Variants in MEGF11 observed in about 807,000 individuals in gnomAD.
MEGF11 encodes the protein multiple epidermal growth factor-like domains protein 11.
Under a neutral mutation model 146.6 loss-of-function variants are expected in MEGF11, and 126 were observed. The observed-to-expected ratio is 0.86, with a 90% CI of 0.74 to 1.00. The LOEUF is 1.00. MEGF11 is among the 50% of genes least tolerant of loss of function. The probability of loss-of-function intolerance (pLI) is 0.00; values close to 1 mark genes in which losing one functional copy is unlikely to be tolerated. For synonymous variants in MEGF11, 532 were observed against 583.4 expected (o/e 0.91, Z 1.27); for missense variants, 1,509 against 1,521.2 (o/e 0.99, Z 0.13).
At chr15:66,053,982 C>G (rs376445808) in intron 5 of MEGF11, among the ~76,000 whole-genome samples, 1 of 152,022 alleles carries the variant, frequency 6.6e-6, no homozygotes, top group East Asian at 1.9e-4. Context: ...CTCAGCCTCC[C>G]AAAGTGCTGG....
chr15:66,225,734 T>C (rs1287684823), intron 1 of MEGF11, among the ~76,000 whole-genome samples: 1 of 151,892 alleles, frequency 6.6e-6, no homozygotes, highest in Non-Finnish European at 1.5e-5. Flanking sequence ...ACGCACACTA[T>C]CATACACACA....
At chr15:66,253,060 T>C (rs1213289392) in intron 1 of MEGF11, among the ~76,000 whole-genome samples, 1 of 152,224 alleles carries the variant, frequency 6.6e-6, no homozygotes, top group African/African-American at 2.4e-5. Flanking sequence ...AGCAAAAGCG[T>C]GCATGGCACT....
In MEGF11 at chr15:66,198,578, T is replaced by G. The variant is rs181802883; in HGVS notation, c.-9+55027A>C. 7.3e-3 allele frequency among the ~76,000 whole-genome samples: 1,108 copies of G among 152,296 alleles called. 8 individuals carry two copies. Among genetic ancestry groups the G allele is most frequent in the Admixed American group, 0.016 (244 of 15,296 alleles). Reference sequence around the variant, plus strand: ...TCAGCTCACTGTAACCTCTGTCTCCTGGGTTCAAGTGATTCTCCTGCCTCA... The same window carrying G: ...TCAGCTCACTGTAACCTCTGTCTCCGGGGTTCAAGTGATTCTCCTGCCTCA... On this transcript the variant is annotated intron_variant, in intron 1 of 25. Transcript: ENST00000395614.
At chr15:65,999,978 A>C (rs1292213508) in intron 5 of MEGF11, among the ~76,000 whole-genome samples, 1 of 152,184 alleles carries the variant, frequency 6.6e-6, no homozygotes, top group Non-Finnish European at 1.5e-5. Context: ...GGCAGTGCAC[A>C]GGGAAGGGAA....
At chr15:65,988,423 A>G (rs988906790) in intron 5 of MEGF11, among the ~76,000 whole-genome samples, 1 of 152,220 alleles carries the variant, frequency 6.6e-6, no homozygotes, top group Non-Finnish European at 1.5e-5. Context: ...AGGTTCATCC[A>G]TGTTGTAGCC....
chr15:65,943,601 C>T (rs1178756867), intron 10 of MEGF11, among the ~76,000 whole-genome samples: 1 of 152,182 alleles, frequency 6.6e-6, no homozygotes, highest in Non-Finnish European at 1.5e-5. Flanking sequence ...TTTGGGCCTG[C>T]TGTCCCAGTG....
intron 5 of MEGF11, among the ~76,000 whole-genome samples, chr15:66,009,241 GT>G (rs10540363): frequency 0.13 from 17,980 of 142,606 alleles, 1,249 homozygotes; most frequent in African/African-American, 0.18. Flanking sequence ...GTTAACCTAA[GT>G]TTTTTTTTTT....
intron 5 of MEGF11, among the ~76,000 whole-genome samples, chr15:66,077,623 C>T (rs4776718): frequency 2.6e-5 from 4 of 152,110 alleles, no homozygotes; most frequent in Admixed American, 2.0e-4. Flanking sequence ...ATGTGCCAGG[C>T]AGCATGAGGT....
intron 10 of MEGF11, among the ~76,000 whole-genome samples, chr15:65,949,699 G>A (rs1044637072): frequency 5.3e-5 from 8 of 152,226 alleles, no homozygotes; most frequent in Non-Finnish European, 7.3e-5. Context: ...GGACCCATGC[G>A]GGAGGAGGCA....
intron 5 of MEGF11, among the ~76,000 whole-genome samples, chr15:66,053,283 G>A (rs776663684): frequency 1.5e-4 from 23 of 152,232 alleles, no homozygotes; most frequent in South Asian, 2.1e-4. Flanking sequence ...ATAAGTATGC[G>A]AAGGAGTACT....
At chr15:65,915,702 G>C (rs1167444274) in intron 18 of MEGF11, 104 bp from the exon 19 acceptor site, 1 of 1,417,842 alleles carries the variant, frequency 7.1e-7, no homozygotes, top group African/African-American at 1.4e-5. Flanking sequence ...CTCCCACTGA[G>C]TGAAGCCTAT....
chr15:66,122,951 T>G (rs28573070), intron 3 of MEGF11, among the ~76,000 whole-genome samples: 34,276 of 151,850 alleles, frequency 0.23, 4,345 homozygotes, highest in African/African-American at 0.33. Flanking sequence ...GCCCGGCTAA[T>G]TTTTTGTATT....
At chr15:65,919,885 A>G (rs562646847) in intron 15 of MEGF11, among the ~76,000 whole-genome samples, 3 of 152,322 alleles carry the variant, frequency 2.0e-5, no homozygotes, top group Admixed American at 2.0e-4. Context: ...CTGGGATTAC[A>G]GATGTGAACC....
rs542233082 is a variant in MEGF11, at chr15:65,978,896, G to A, written c.762+1882C>T. On this transcript the variant is annotated intron_variant, in intron 7 of 25. Coordinates refer to ENST00000395614, the MANE Select transcript of MEGF11 (RefSeq NM_001385028.1). ...CTTGAACAGGTCCCTTACCCTCTCTGAGCCTCAGCTTCTTCATCTGAGAAA... is the reference window on the plus strand; with the variant it reads ...CTTGAACAGGTCCCTTACCCTCTCTAAGCCTCAGCTTCTTCATCTGAGAAA... 6.6e-4 allele frequency among the ~76,000 whole-genome samples: 100 copies of A among 152,272 alleles called. 1 individual carries two copies. Among genetic ancestry groups the A allele is most frequent in the African/African-American group, 2.3e-3 (94 of 41,558 alleles).
intron 7 of MEGF11, among the ~76,000 whole-genome samples, chr15:65,979,091 G>A (rs368614): frequency 4.6e-5 from 7 of 152,070 alleles, no homozygotes; most frequent in African/African-American, 1.7e-4. Flanking sequence ...CCCACTCTCC[G>A]TCAAGAAACC....
At chr15:66,063,480 G>A (rs1013921845) in intron 5 of MEGF11, among the ~76,000 whole-genome samples, 1 of 152,192 alleles carries the variant, frequency 6.6e-6, no homozygotes, top group Non-Finnish European at 1.5e-5. Flanking sequence ...GGAAAGCCTG[G>A]GGAAGTGATA....
At chr15:66,034,717 G>C (rs1259181156) in intron 5 of MEGF11, among the ~76,000 whole-genome samples, 1 of 152,204 alleles carries the variant, frequency 6.6e-6, no homozygotes, top group African/African-American at 2.4e-5. Context: ...ACTGTGTCTA[G>C]GCAAATGCTA....
At chr15:65,932,239 A>G (rs947890311) in intron 10 of MEGF11, among the ~76,000 whole-genome samples, 4 of 152,116 alleles carry the variant, frequency 2.6e-5, no homozygotes, top group African/African-American at 7.2e-5. Context: ...TTATGCCTCC[A>G]TCAATCACTG....
At chr15:65,981,699 G>A (rs1331005668) in intron 6 of MEGF11, among the ~76,000 whole-genome samples, 2 of 152,194 alleles carry the variant, frequency 1.3e-5, no homozygotes, top group East Asian at 3.9e-4. Context: ...CTACTCTCTG[G>A]GGAACTGGAA....
Sources: allele counts gnomAD v4.1 joint callset (sites outside exome capture counted in the v4.1 genomes callset), GRCh38; gene constraint gnomAD v4.1.1; transcripts MANE v1.5; gene names NCBI Gene and HGNC (gene_info 2026-07-23, HGNC 2026-07-21).